The following TDRP variants were observed in gnomAD, a reference collection of about 807,000 sequenced individuals.
TDRP encodes testis development related protein, also known as testis development-related protein.
A neutral mutation model predicts 10.5 loss-of-function variants in TDRP; 12 were observed. That is an observed-to-expected ratio of 1.15 (90% confidence interval 0.73 to 1.86). The LOEUF (loss-of-function observed/expected upper bound fraction) is 1.86, where lower values mean the gene tolerates loss of function less well. Ranked by LOEUF, TDRP falls within the 40% of genes most tolerant of loss-of-function variation. TDRP has a pLI of 0.00. For missense variants in TDRP, 353 were observed against 229.2 expected (o/e 1.54, Z -3.49); for synonymous variants, 139 against 95.4 (o/e 1.46, Z -2.67).
intron 1 of TDRP, among the ~76,000 whole-genome samples, chr8:541,989 T>C (rs556041633): frequency 1.7e-4 from 26 of 152,182 alleles, no homozygotes; most frequent in Non-Finnish European, 3.1e-4. Context: ...TGTTTATTCA[T>C]AATTGCCAAA....
rs193099076 is a variant in TDRP, at chr8:520,400, T to C, written c.108+24250A>G. On this transcript the variant is annotated intron_variant, in intron 1 of 2. Transcript: ENST00000324079. ...TCTCCTCTTATTATAAGTGGTGCTGTAATGAACATGGGTGTGCAAATCTCT... is the reference window on the plus strand; with the variant it reads ...TCTCCTCTTATTATAAGTGGTGCTGCAATGAACATGGGTGTGCAAATCTCT... Among the ~76,000 whole-genome samples, 54 of 152,340 alleles carry C rather than the reference T, an allele frequency of 3.5e-4. No homozygotes were observed. The East Asian group carries it at 4.4e-3, about 13-fold the overall frequency.
chr8:526,394 T>C (rs1339116512), intron 1 of TDRP, among the ~76,000 whole-genome samples: 1 of 152,190 alleles, frequency 6.6e-6, no homozygotes, highest in African/African-American at 2.4e-5. Flanking sequence ...GTTCCTTCTA[T>C]ACAGTTTTTT....
chr8:545,080 C>T (rs189573614), upstream of TDRP: 883 of 198,520 alleles, frequency 4.4e-3, 21 homozygotes, highest in Admixed American at 0.037. Flanking sequence ...AGACCCACCC[C>T]CAAATTCGAC....
intron 1 of TDRP, among the ~76,000 whole-genome samples, chr8:532,929 A>T (rs1248562477): frequency 1.3e-5 from 2 of 152,152 alleles, no homozygotes; most frequent in Non-Finnish European, 2.9e-5. Flanking sequence ...CCAAAGCCTA[A>T]AACAGTTACT....
intron 1 of TDRP, among the ~76,000 whole-genome samples, chr8:498,178 G>A (rs1801185253): frequency 6.6e-6 from 1 of 152,096 alleles, no homozygotes; most frequent in Non-Finnish European, 1.5e-5. Flanking sequence ...TCTCAGAATG[G>A]TAGATCCACC....
At chr8:530,430 T>C (rs550152543) in intron 1 of TDRP, among the ~76,000 whole-genome samples, 58 of 152,288 alleles carry the variant, frequency 3.8e-4, no homozygotes, top group African/African-American at 1.3e-3. Context: ...TCATTATTTT[T>C]TTGCTGGGAT....
intron 1 of TDRP, among the ~76,000 whole-genome samples, chr8:522,530 T>C (rs1490959468): frequency 6.6e-6 from 1 of 152,196 alleles, no homozygotes; most frequent in Non-Finnish European, 1.5e-5. Flanking sequence ...TGTTGTTCCT[T>C]GAAAAGTAAG....
At chr8:508,452 A>G (rs77576356) in intron 1 of TDRP, among the ~76,000 whole-genome samples, 4,222 of 152,314 alleles carry the variant, frequency 0.028, 148 homozygotes, top group African/African-American at 0.087. Flanking sequence ...GTGGAAGGCA[A>G]AAGGCAAAGG....
intron 2 of TDRP, among the ~76,000 whole-genome samples, chr8:493,761 T>G (rs1303482610): frequency 9.0e-6 from 1 of 111,730 alleles, no homozygotes; most frequent in Non-Finnish European, 2.0e-5. Flanking sequence ...TTTAACAGTG[T>G]TTTTTTTGGT....
intron 1 of TDRP, among the ~76,000 whole-genome samples, chr8:534,689 G>A (rs137936000): frequency 6.6e-6 from 1 of 152,186 alleles, no homozygotes; most frequent in Non-Finnish European, 1.5e-5. Flanking sequence ...GAGCTCGCTG[G>A]GTGATGATGA....
At chr8:493,383 G>A (rs928250295) in intron 2 of TDRP, among the ~76,000 whole-genome samples, 4 of 152,184 alleles carry the variant, frequency 2.6e-5, no homozygotes, top group African/African-American at 9.7e-5. Context: ...TGACAACCAG[G>A]GAACCGGTTT....
intron 1 of TDRP, among the ~76,000 whole-genome samples, chr8:512,190 C>G (rs1477823902): frequency 6.6e-6 from 1 of 151,878 alleles, no homozygotes; most frequent in African/African-American, 2.4e-5. Flanking sequence ...AATTGGAAGG[C>G]CACAGCAGGT....
At chr8:498,334 C>T (rs375522221) in intron 1 of TDRP, among the ~76,000 whole-genome samples, 1 of 152,202 alleles carries the variant, frequency 6.6e-6, no homozygotes, top group Non-Finnish European at 1.5e-5. Flanking sequence ...TCAGCATGCC[C>T]TGGATATGAG....
chr8:519,500 T>G (rs1458025793), intron 1 of TDRP, among the ~76,000 whole-genome samples: 2 of 152,084 alleles, frequency 1.3e-5, no homozygotes, highest in African/African-American at 4.8e-5. Flanking sequence ...GTTAACTACA[T>G]GCAAACTGTT....
intron 1 of TDRP, among the ~76,000 whole-genome samples, chr8:542,007 A>C (rs1365144482): frequency 6.6e-6 from 1 of 152,194 alleles, no homozygotes; most frequent in Non-Finnish European, 1.5e-5. Flanking sequence ...AAAACGTGAA[A>C]GCAACCAACA....
At chr8:535,129 A>G (rs531974111) in intron 1 of TDRP, among the ~76,000 whole-genome samples, 1 of 152,338 alleles carries the variant, frequency 6.6e-6, no homozygotes, top group African/African-American at 2.4e-5. Flanking sequence ...AGAAAGCTAC[A>G]TCATGGTTTT....
Position 523,045 on chromosome 8 carries a change from T to A in TDRP, c.108+21605A>T, listed in dbSNP as rs1405370434. Among the ~76,000 whole-genome samples the A allele has an allele frequency of 2.6e-5, 4 of 152,196 alleles. 1 individual carries two copies. The highest frequency in any genetic ancestry group is 9.7e-5 in the African/African-American group (4 of 41,448). On this transcript the variant is annotated intron_variant, in intron 1 of 2. Coordinates refer to ENST00000324079, the MANE Select transcript of TDRP (RefSeq NM_001384899.1). ...TAATTACTGATAGGGTAGGACTTAC[T>A]ATTGCCACTTTGTTAATTATGTTCT...
At chr8:543,081 G>A (rs1359793203) in intron 1 of TDRP, among the ~76,000 whole-genome samples, 4 of 152,130 alleles carry the variant, frequency 2.6e-5, no homozygotes, top group African/African-American at 9.7e-5. Context: ...GCTGAGGCGG[G>A]CGGATCACGT....
intron 1 of TDRP, among the ~76,000 whole-genome samples, chr8:518,682 T>A (rs1184535774): frequency 3.3e-5 from 5 of 151,918 alleles, no homozygotes; most frequent in African/African-American, 4.8e-5. Context: ...ACTAAAAGAA[T>A]CTGATCTCAG....
Sources: allele counts gnomAD v4.1 joint callset (sites outside exome capture counted in the v4.1 genomes callset), GRCh38; gene constraint gnomAD v4.1.1; transcripts MANE v1.5; gene names NCBI Gene and HGNC (gene_info 2026-07-23, HGNC 2026-07-21).